PLXNB1: variants seen among roughly 807,000 people sequenced by gnomAD.
PLXNB1 encodes the protein plexin-B1.
PLXNB1 carries 106 observed loss-of-function variants against 209.4 expected under a neutral mutation model. That is an observed-to-expected ratio of 0.51 (90% CI 0.43 to 0.59). The LOEUF (loss-of-function observed/expected upper bound fraction) is 0.59. Ranked by LOEUF, PLXNB1 falls within the 20% of genes least tolerant of loss-of-function variation. The probability of loss-of-function intolerance (pLI) is 0.00; values close to 1 mark genes in which losing one functional copy is unlikely to be tolerated. For synonymous variants in PLXNB1, 1,167 were observed against 1,183.2 expected, an observed-to-expected ratio of 0.99 and a Z score of 0.28; for missense variants, 2,357 against 2,853.2, an observed-to-expected ratio of 0.83 and a Z score of 3.96.
intron 3 of PLXNB1, 146 bp from the exon 4 acceptor site, chr3:48,423,093 A>C (rs886409224): frequency 4.3e-6 from 3 of 692,240 alleles, no homozygotes; most frequent in African/African-American, 3.6e-5. Flanking sequence ...TCCTGGGACA[A>C]TCTCATCCCC....
rs376518621 is a variant in PLXNB1 at position 48,415,734 on chromosome 3, G to A, written c.3643C>T (p.Leu1215=). ...GGGCGTGGGCTGGTCTCACACCGCA[G>A]TTGTTCTGACTGCTGCTCCGGCAGC... is the stretch of plus-strand genomic sequence containing the variant. ...HLLPEQQSEQ[L]RCETSPRPTP... is the part of the protein sequence containing the mutation. Residue 1215 remains leucine (L), a synonymous_variant, in exon 19 of 38, where the codon CTG becomes TTG. Transcript: ENST00000296440. The surrounding 1 kb of genome is among the most constrained non-coding windows in gnomAD (Gnocchi z 5.0). 1.8e-5 allele frequency: 28 copies of A among 1,549,518 alleles called. No homozygotes were observed. Among genetic ancestry groups the A allele is most frequent in the Non-Finnish European group, 2.4e-5 (27 of 1,145,368 alleles).
Position 48,410,918 on chromosome 3 carries a change from T to C in PLXNB1, c.5366A>G (p.Tyr1789Cys), listed in dbSNP as rs778406147. The C allele has an allele frequency of 4.3e-6, 7 of 1,613,658 alleles. 1 individual carries two copies. The Admixed American group carries it at 5.0e-5, about 12-fold the overall frequency. ...QAKEKMLDQL[Y>C]KGVPLTQRPD... ...CCGCTGGGTGAGAGGCACTCCTTTA[T>C]AAAGCTGGTCCAGCATCTTCTCCTT... Residue 1789 changes from tyrosine to cysteine, a missense_variant, in exon 29 of 38, where the codon TAT (tyrosine) becomes TGT (cysteine). By Grantham distance (194) the Tyr-to-Cys change is radical. Coordinates refer to ENST00000296440, the MANE Select transcript of PLXNB1 (RefSeq NM_001130082.3). This position sits in a 1 kb window ranked among gnomAD's most constrained non-coding sequence, Gnocchi z 6.4.
At chr3:48,421,979 G>A in intron 6 of PLXNB1, 126 bp downstream of exon 6, 1 of 1,285,752 alleles carries the variant, frequency 7.8e-7, no homozygotes, top group Non-Finnish European at 1.1e-6. Context: ...TGGGGGTGAG[G>A]AATTGGGGTG....
intron 34 of PLXNB1, among the ~76,000 whole-genome samples, chr3:48,408,417 C>G (rs566353938): frequency 2.6e-5 from 4 of 152,328 alleles, no homozygotes; most frequent in African/African-American, 9.6e-5. Flanking sequence ...CATGGACCTG[C>G]AGAGTCACAC....
At position 48,413,312 on chromosome 3, in the gene PLXNB1, G is replaced by C. The variant is rs904354927; in HGVS notation, c.4536-143C>G. On this transcript the variant is annotated intron_variant, in intron 23 of 37. Transcript: ENST00000296440. The surrounding 1 kb of genome is among the most constrained non-coding windows in gnomAD (Gnocchi z 5.4). ...GCCAAGCTCAAGCCTAGCCCAGTACGATTCAGCCTGTCCCGTCCCAAGCAA... is the reference window on the plus strand; with the variant it reads ...GCCAAGCTCAAGCCTAGCCCAGTACCATTCAGCCTGTCCCGTCCCAAGCAA... 5.8e-6 allele frequency: 4 copies of C among 690,116 alleles called. No homozygotes were observed. The highest frequency in any genetic ancestry group is 4.5e-5 in the Admixed American group (2 of 44,140). 42.7% of individuals were successfully genotyped at this position (690,116 alleles called of 1,614,324 possible).
chr3:48,408,810 CCTT>C (rs2037469640), intron 34 of PLXNB1, among the ~76,000 whole-genome samples: 1 of 152,178 alleles, frequency 6.6e-6, no homozygotes, highest in Non-Finnish European at 1.5e-5. Context: ...TGACTCCCCT[CCTT>C]CTTCCTCATC....
In PLXNB1 at chr3:48,406,650, C is replaced by T. The variant is rs1302960327; in HGVS notation, c.6228+173G>A. The stretch of plus-strand genomic sequence containing the variant: ...TTGCTCTGTGATGAGATGGTGGGAG[C>T]CCTGGTCTTTCAGTGGCAGTTGGAA... On this transcript the variant is annotated intron_variant, in intron 36 of 37. Transcript: ENST00000296440. This position sits in a 1 kb window ranked among gnomAD's most constrained non-coding sequence, Gnocchi z 4.4. 2 of 1,423,146 alleles carry T rather than the reference C, an allele frequency of 1.4e-6. No individual in the cohort carries two copies. Among genetic ancestry groups the T allele is most frequent in the African/African-American group, 1.4e-5 (1 of 69,482 alleles). The allele number at this position is 1,423,146 out of a possible 1,614,324, so 88.2% of individuals were successfully genotyped here.
At chr3:48,428,759 C>A (rs566897148) in intron 1 of PLXNB1, among the ~76,000 whole-genome samples, 3 of 152,266 alleles carry the variant, frequency 2.0e-5, no homozygotes, top group South Asian at 4.1e-4. Context: ...CTGCGATGAC[C>A]CAAGGCGCTC....
In PLXNB1 at chr3:48,405,704, G is replaced by A. The variant is rs777460651; in HGVS notation, c.6303+20C>T. 9 of 1,604,312 alleles carry A rather than the reference G, an allele frequency of 5.6e-6. No homozygotes were observed. Among genetic ancestry groups the A allele is most frequent in the African/African-American group, 4.0e-5 (3 of 74,752 alleles). On this transcript the variant is annotated intron_variant, in intron 37 of 37. Transcript: ENST00000296440. This position sits in a 1 kb window ranked among gnomAD's most constrained non-coding sequence, Gnocchi z 5.0. The stretch of plus-strand genomic sequence containing the variant: ...GAGGCCTTGGGTCAGCCTCCCAGTC[G>A]GGGTCCAGGGCCTGCCCACCTGGTC...
chr3:48,407,718 C>T (rs1040282676), intron 34 of PLXNB1, among the ~76,000 whole-genome samples: 1 of 152,222 alleles, frequency 6.6e-6, no homozygotes, highest in Non-Finnish European at 1.5e-5. Context: ...CCTCTGTCAA[C>T]CTGAGTCAGG....
Position 48,410,786 on chromosome 3 carries a change from T to G in PLXNB1, c.5416+82A>C. 2.4e-5 allele frequency: 32 copies of G among 1,360,806 alleles called. No homozygotes were observed. The highest frequency in any genetic ancestry group is 3.0e-5 in the Non-Finnish European group (30 of 989,676). The allele number at this position is 1,360,806 out of a possible 1,614,324, so 84.3% of individuals were successfully genotyped here. ...CCAGCATCCTCCCCACCCTGAGTGA[T>G]GAGTTGTCCCTGCAGAGTTGGTCCG... On this transcript the variant is annotated intron_variant, in intron 29 of 37. Coordinates refer to ENST00000296440, the MANE Select transcript of PLXNB1 (RefSeq NM_001130082.3). The surrounding 1 kb of genome is among the most constrained non-coding windows in gnomAD (Gnocchi z 6.4).
In PLXNB1 at chr3:48,421,908, G is replaced by A. The variant is rs1037662530; in HGVS notation, c.1521-102C>T. The A allele has an allele frequency of 2.0e-6, 3 of 1,502,746 alleles. No homozygotes were observed. The African/African-American group carries it at 4.2e-5, about 21-fold the overall frequency. The allele number at this position is 1,502,746 out of a possible 1,614,324, so 93.1% of individuals were successfully genotyped here. ...TGGAGGACCTGGGCAGGGCCCTAGA[G>A]TGGGCATGATAGAGGCTCCTGTGTC... is the stretch of plus-strand genomic sequence containing the variant. On this transcript the variant is annotated intron_variant, in intron 6 of 37. Coordinates refer to ENST00000296440, the MANE Select transcript of PLXNB1 (RefSeq NM_001130082.3).
In PLXNB1 at chr3:48,409,264, C is replaced by A; in HGVS notation, c.6087+65G>T. ...TGAAGTTCTCAGAAAAGCCTGGAAT[C>A]TGAGTGCACACACAGCACTGTCCAC... On this transcript the variant is annotated intron_variant, in intron 34 of 37. Transcript: ENST00000296440. The surrounding 1 kb of genome is among the most constrained non-coding windows in gnomAD (Gnocchi z 5.8). 1.9e-6 allele frequency: 3 copies of A among 1,570,258 alleles called. No homozygotes were observed. Among genetic ancestry groups the A allele is most frequent in the South Asian group, 1.1e-5 (1 of 87,086 alleles).
In PLXNB1 at chr3:48,424,309, G is replaced by C. The variant is rs144252949; in HGVS notation, c.303C>G (p.Leu101=). Residue 101 remains leucine, a synonymous_variant, in exon 3 of 38, where the codon CTC becomes CTG. Transcript: ENST00000296440. ...AQPTNNPNQL[L]LVSPGALVVC... ...CCACCAGGGCCCCTGGGCTCACCAG[G>C]AGCAGCTGATTCGGGTTGTTGGTAG... 5 of 1,565,474 alleles carry C rather than the reference G, an allele frequency of 3.2e-6. No individual in the cohort carries two copies. The highest frequency in any genetic ancestry group is 4.3e-6 in the Non-Finnish European group (5 of 1,154,888).
chr3:48,413,246 C>T lies in PLXNB1; in HGVS notation c.4536-77G>A. On this transcript the variant is annotated intron_variant, in intron 23 of 37. Coordinates refer to ENST00000296440, the MANE Select transcript of PLXNB1 (RefSeq NM_001130082.3). This position sits in a 1 kb window ranked among gnomAD's most constrained non-coding sequence, Gnocchi z 5.4. ...AGGCCTGCCTGACAATCCCCAGGCA[C>T]ACCCCGGCCTCATCCAGCACAGTCC... The T allele has an allele frequency of 8.8e-7, 1 of 1,140,216 alleles. No homozygotes were observed. The highest frequency in any genetic ancestry group is 1.3e-6 in the Non-Finnish European group (1 of 762,724). 70.6% of individuals were successfully genotyped at this position (1,140,216 alleles called of 1,614,324 possible).
chr3:48,420,344 A>G, intron 10 of PLXNB1, 87 bp from the exon 11 acceptor site: 1 of 738,330 alleles, frequency 1.4e-6, no homozygotes, highest in Non-Finnish European at 2.2e-6. Context: ...GTATGTTAAG[A>G]GGAAAGGAGA....
At position 48,422,440 on chromosome 3, in the gene PLXNB1, C is replaced by T. The variant is rs1379829487; in HGVS notation, c.1310G>A (p.Ser437Asn). The T allele has an allele frequency of 6.3e-7, 1 of 1,593,168 alleles. No homozygotes were observed. The highest frequency in any genetic ancestry group is 1.1e-5 in the South Asian group (1 of 87,862). The change falls in exon 5 of 38, where the codon AGC becomes AAC. Residue 437 changes from serine (S) to asparagine (N), a missense_variant. By Grantham distance (46) the Ser-to-Asn change is conservative. This residue lies in a region of PLXNB1 where 404 missense variants were observed against 443.6 expected (regional missense o/e 0.91). Coordinates refer to ENST00000296440, the MANE Select transcript of PLXNB1 (RefSeq NM_001130082.3). ...CTGTGTGGAGTATGGGTGGCCATCG[C>T]TCCCTGGGCCCAAGTAGACCTGGGA... ...QLHRVYLGPG[S>N]DGHPYSTQSI...
intron 8 of PLXNB1, 81 bp downstream of exon 8, chr3:48,421,147 G>C: frequency 6.6e-7 from 1 of 1,509,088 alleles, no homozygotes; most frequent in East Asian, 2.3e-5. Flanking sequence ...ATGGCTCTTT[G>C]CCTGGATTCA....
Position 48,413,211 on chromosome 3 carries a change from C to G in PLXNB1, c.4536-42G>C, listed in dbSNP as rs1256261841. ...TCAGGAGAGGATGGCCAGATGAGTC[C>G]TACTCGCCCAGGCCTGCCTGACAAT... On this transcript the variant is annotated intron_variant, in intron 23 of 37. Transcript: ENST00000296440. This position sits in a 1 kb window ranked among gnomAD's most constrained non-coding sequence, Gnocchi z 5.4. The G allele has an allele frequency of 2.0e-6, 3 of 1,501,768 alleles. No individual in the cohort carries two copies. The highest frequency in any genetic ancestry group is 2.8e-6 in the Non-Finnish European group (3 of 1,086,878). 93.0% of individuals were successfully genotyped at this position (1,501,768 alleles called of 1,614,324 possible).
Sources: allele counts gnomAD v4.1 joint callset (sites outside exome capture counted in the v4.1 genomes callset), GRCh38; gene constraint gnomAD v4.1.1; regional missense constraint gnomAD v4.1.1; non-coding constraint Gnocchi (gnomAD v3.1); transcripts MANE v1.5; gene names NCBI Gene and HGNC (gene_info 2026-07-23, HGNC 2026-07-21).